Variants in ITGA10 observed in about 807,000 individuals in gnomAD.
The protein encoded by ITGA10 is integrin alpha-10.
ITGA10 carries 105 observed loss-of-function variants against 145.2 expected under a neutral mutation model. That is an observed-to-expected ratio of 0.72 (90% CI 0.62 to 0.85). ITGA10 has a LOEUF of 0.85. ITGA10 is among the 40% of genes least tolerant of loss of function. ITGA10 has a pLI of 0.00. For synonymous variants in ITGA10, 506 were observed against 557.8 expected (o/e 0.91, Z 1.31); for missense variants, 1,317 against 1,444.5 (o/e 0.91, Z 1.43).
At chr1:145,906,946 G>A in intron 3 of ITGA10, 95 bp downstream of exon 3, 1 of 1,156,100 alleles carries the variant, frequency 8.6e-7, no homozygotes, top group Non-Finnish European at 1.2e-6. Flanking sequence ...GGAGTATGCG[G>A]ATTTTAGGGG....
At chr1:145,897,971 G>A in intron 18 of ITGA10, 71 bp from the exon 19 acceptor site, 2 of 1,416,170 alleles carry the variant, frequency 1.4e-6, no homozygotes, top group Non-Finnish European at 2.0e-6. Context: ...GGGGGAAAGT[G>A]AAAAGACAAA....
intron 5 of ITGA10, among the ~76,000 whole-genome samples, chr1:145,905,038 A>G (rs1656930846): frequency 6.6e-6 from 1 of 152,052 alleles, no homozygotes; most frequent in Non-Finnish European, 1.5e-5. Context: ...ATATATGTAT[A>G]TATGTATATA....
In ITGA10 at chr1:145,901,047, CA is replaced by C; in HGVS notation, c.1588-55del. On this transcript the variant is annotated intron_variant, in intron 13 of 29. Transcript: ENST00000369304. This position sits in a 1 kb window ranked among gnomAD's most constrained non-coding sequence, Gnocchi z 4.3. ...TAATCTGGCAGACCCAACCTCTCAGCAAACCCTCAAATATGTGCACCTTCCC... is the reference window on the plus strand; with the variant it reads ...TAATCTGGCAGACCCAACCTCTCAGCAACCCTCAAATATGTGCACCTTCCC... 6.2e-7 allele frequency: 1 copy of C among 1,612,970 alleles called. No individual in the cohort carries two copies. The highest frequency in any genetic ancestry group is 8.5e-7 in the Non-Finnish European group (1 of 1,179,114).
In ITGA10 at chr1:145,900,197, A is replaced by G. The variant is rs782477634; in HGVS notation, c.1792-10T>C. ...AGGCAGCAGCAATCCTCTGAGAGGA[A>G]GAGAGAGAATACTGAGGCAGGGACC... On this transcript the variant is annotated splice_polypyrimidine_tract_variant and intron_variant, in intron 14 of 29. Transcript: ENST00000369304. 14 of 1,609,220 alleles carry G rather than the reference A, an allele frequency of 8.7e-6. No individual in the cohort carries two copies. The highest frequency in any genetic ancestry group is 1.7e-6 in the Non-Finnish European group (2 of 1,177,822).
intron 25 of ITGA10, 131 bp from the exon 26 acceptor site, chr1:145,895,842 C>T: frequency 2.0e-6 from 2 of 1,024,116 alleles, no homozygotes; most frequent in Non-Finnish European, 2.9e-6. Flanking sequence ...TAATAAGCCA[C>T]ATGTGTAAAA....
rs372019442 is a variant in ITGA10, at chr1:145,906,393, C to T, written c.481+1G>A. ...AAGTACTCAGCCTTCCTCTGGCTCA[C>T]GTTGGGCAGTGGGTGCCAGGCTTCC... On this transcript the variant is annotated splice_donor_variant, in intron 5 of 29. Coordinates refer to ENST00000369304, the MANE Select transcript of ITGA10 (RefSeq NM_003637.5). LOFTEE classifies it high-confidence loss of function. 14 of 1,611,526 alleles carry T rather than the reference C, an allele frequency of 8.7e-6. No individual in the cohort carries two copies. The highest frequency in any genetic ancestry group is 8.0e-5 in the African/African-American group (6 of 74,826).
At chr1:145,904,284 G>T in intron 6 of ITGA10, 84 bp from the exon 7 acceptor site, 1 of 1,307,206 alleles carries the variant, frequency 7.6e-7, no homozygotes, top group South Asian at 1.2e-5. Context: ...AGAGAGGAGA[G>T]ATGAACACCT....
At chr1:145,909,356 C>CTG (rs1657540538) in intron 1 of ITGA10, among the ~76,000 whole-genome samples, 1 of 150,112 alleles carries the variant, frequency 6.7e-6, no homozygotes, top group African/African-American at 2.5e-5. Context: ...AACTACTGAG[C>CTG]TGTGGTTGCA....
At position 145,900,196 on chromosome 1, in the gene ITGA10, AAG is replaced by A; in HGVS notation, c.1792-11_1792-10del. 2 of 1,609,404 alleles carry A rather than the reference AAG, an allele frequency of 1.2e-6. No homozygotes were observed. The highest frequency in any genetic ancestry group is 1.3e-5 in the African/African-American group (1 of 74,878). The stretch of plus-strand genomic sequence containing the variant: ...GAGGCAGCAGCAATCCTCTGAGAGG[AAG>A]AGAGAGAATACTGAGGCAGGGACCC... On this transcript the variant is annotated splice_polypyrimidine_tract_variant and intron_variant, in intron 14 of 29. Transcript: ENST00000369304.
intron 23 of ITGA10, 133 bp downstream of exon 23, chr1:145,896,636 G>A (rs2101762462): frequency 1.3e-6 from 1 of 771,640 alleles, no homozygotes; most frequent in Non-Finnish European, 2.3e-6. Flanking sequence ...GAATAGGATT[G>A]AGGGCAAAAA....
chr1:145,906,157 G>T, intron 5 of ITGA10: 1 of 418,310 alleles, frequency 2.4e-6, no homozygotes, highest in Non-Finnish European at 4.4e-6. Flanking sequence ...TTGAACTCCT[G>T]ACCTCAAGTG....
chr1:145,906,293 C>A, intron 5 of ITGA10, 101 bp downstream of exon 5: 1 of 821,254 alleles, frequency 1.2e-6, no homozygotes, highest in South Asian at 1.5e-5. Flanking sequence ...ATGAGGATAG[C>A]CATGCAGGCC....
At chr1:145,908,933 A>G (rs1206598429) in intron 1 of ITGA10, among the ~76,000 whole-genome samples, 1 of 152,140 alleles carries the variant, frequency 6.6e-6, no homozygotes, top group Non-Finnish European at 1.5e-5. Flanking sequence ...CAGACTAGCC[A>G]CGTGGAAGGT....
In ITGA10 at chr1:145,895,987, T is replaced by C. The variant is rs782082223; in HGVS notation, c.3029A>G (p.Asn1010Ser). The C allele has an allele frequency of 6.2e-7, 1 of 1,610,784 alleles. No individual in the cohort carries two copies. Among genetic ancestry groups the C allele is most frequent in the Admixed American group, 1.7e-5 (1 of 60,014 alleles). ...GCCCTCCTAGACCAGACTCACATTG[T>C]TAGTGATGACTTGAGACAGTGATAG... The part of the protein sequence containing the change: ...YFLSLSQVIT[N>S]NASCIVQNLT... Residue 1010 changes from asparagine to serine, a missense_variant, in exon 25 of 30, where the codon AAC (asparagine) becomes AGC (serine). Asn to Ser is a conservative substitution (Grantham distance 46). Coordinates refer to ENST00000369304, the MANE Select transcript of ITGA10 (RefSeq NM_003637.5).
chr1:145,909,827 A>C, intron 1 of ITGA10, 136 bp downstream of exon 1: 3 of 731,872 alleles, frequency 4.1e-6, no homozygotes, highest in Non-Finnish European at 7.4e-6. Context: ...GGACACAGAC[A>C]CACATACAAG....
In ITGA10 at chr1:145,902,448, C is replaced by T. The variant is rs1338213547; in HGVS notation, c.1075+6G>A. The stretch of plus-strand genomic sequence containing the variant: ...GCCCTGTCCATTTCTCCAGAGTAAT[C>T]CTCACCTTCAAGGCCAAAAATCCGA... On this transcript the variant is annotated splice_donor_region_variant and intron_variant, in intron 9 of 29. Coordinates refer to ENST00000369304, the MANE Select transcript of ITGA10 (RefSeq NM_003637.5). 7 of 1,610,140 alleles carry T rather than the reference C, an allele frequency of 4.3e-6. No homozygotes were observed. The highest frequency in any genetic ancestry group is 1.3e-5 in the African/African-American group (1 of 74,844).
chr1:145,895,202 G>T (rs587724942), intron 27 of ITGA10, 78 bp downstream of exon 27: 2 of 1,004,346 alleles, frequency 2.0e-6, no homozygotes, highest in East Asian at 2.5e-5. Context: ...TTGAACGTGG[G>T]TCTGTCTACC....
chr1:145,897,782 C>T, intron 19 of ITGA10, 33 bp downstream of exon 19: 1 of 1,610,900 alleles, frequency 6.2e-7, no homozygotes, highest in South Asian at 1.1e-5. Context: ...TGTCTCAGGT[C>T]ACCCTGGTTT....
chr1:145,899,611 T>C (rs371801463), intron 15 of ITGA10, among the ~76,000 whole-genome samples: 1 of 151,664 alleles, frequency 6.6e-6, no homozygotes, highest in African/African-American at 2.4e-5. Flanking sequence ...TGGGTTCAAG[T>C]GATTCTCCTG....
Sources: allele counts gnomAD v4.1 joint callset (sites outside exome capture counted in the v4.1 genomes callset), GRCh38; gene constraint gnomAD v4.1.1; non-coding constraint Gnocchi (gnomAD v3.1); transcripts MANE v1.5; gene names NCBI Gene and HGNC (gene_info 2026-07-23, HGNC 2026-07-21).